Variants in GULP1 observed in about 807,000 individuals in gnomAD.
GULP1 encodes the protein GULP PTB domain containing engulfment adaptor 1.
GULP1 carries 19 observed loss-of-function variants against 40.9 expected under a neutral mutation model. The ratio of observed to expected loss-of-function variants is 0.46; its 90% CI spans 0.32 to 0.68. The LOEUF is 0.68. Ranked by LOEUF, GULP1 falls within the 30% of genes least tolerant of loss-of-function variation. The pLI is 0.03. For synonymous variants in GULP1, 119 were observed against 117.6 expected (o/e 1.01, Z -0.08); for missense variants, 312 against 362.2 (o/e 0.86, Z 1.12).
chr2:188,333,200 C>G (rs1196989155), intron 1 of GULP1, among the ~76,000 whole-genome samples: 1 of 151,234 alleles, frequency 6.6e-6, no homozygotes, highest in Admixed American at 6.6e-5. Flanking sequence ...GAGCCAAGAT[C>G]ATGCCACTGC....
At chr2:188,526,295 T>C (rs1021555557) in intron 5 of GULP1, among the ~76,000 whole-genome samples, 34 of 152,318 alleles carry the variant, frequency 2.2e-4, no homozygotes, top group African/African-American at 7.9e-4. Context: ...ATCACTTCCT[T>C]TGAATACTTT....
At chr2:188,523,016 TTAAAA>T (rs1369418363) in intron 5 of GULP1, 189 bp downstream of exon 5, 7 of 483,026 alleles carry the variant, frequency 1.4e-5, no homozygotes, top group Non-Finnish European at 3.8e-6. Flanking sequence ...AAAATTGTGT[TTAAAA>T]TATGGCATAC....
At chr2:188,532,808 C>T (rs563447478) in intron 6 of GULP1, among the ~76,000 whole-genome samples, 1 of 150,664 alleles carries the variant, frequency 6.6e-6, no homozygotes, top group Non-Finnish European at 1.5e-5. Context: ...GTAATCCCAG[C>T]CACTCAGGAG....
At chr2:188,326,515 A>G (rs577840772) in intron 1 of GULP1, among the ~76,000 whole-genome samples, 151 of 152,232 alleles carry the variant, frequency 9.9e-4, no homozygotes, top group Admixed American at 1.7e-3. Context: ...TAGCCCCCCA[A>G]CAAATGAAAA....
In GULP1 at chr2:188,418,780, A is replaced by G. The variant is rs374107647; in HGVS notation, c.-45+34891A>G. Among the ~76,000 whole-genome samples, 7 of 152,368 alleles carry G rather than the reference A, an allele frequency of 4.6e-5. No individual in the cohort carries two copies. In the East Asian group the frequency reaches 1.3e-3, roughly 29 times the overall value. ...TAGTAAACTTTTAAATGTGTAATAC[A>G]TTATTGTTGACTATAGCTACAATGT... is the stretch of plus-strand genomic sequence containing the variant. On this transcript the variant is annotated intron_variant, in intron 2 of 11. Coordinates refer to ENST00000409830, the MANE Select transcript of GULP1 (RefSeq NM_016315.4).
At chr2:188,472,786 C>A (rs1442201983) in intron 2 of GULP1, among the ~76,000 whole-genome samples, 2 of 152,190 alleles carry the variant, frequency 1.3e-5, no homozygotes, top group Non-Finnish European at 2.9e-5. Context: ...ATTGTTTTCT[C>A]ATGCCTGATT....
intron 4 of GULP1, among the ~76,000 whole-genome samples, chr2:188,494,045 T>A (rs1405103159): frequency 6.6e-6 from 1 of 152,024 alleles, no homozygotes; most frequent in Non-Finnish European, 1.5e-5. Flanking sequence ...TGCCAGCCAG[T>A]GAATGATGAA....
intron 2 of GULP1, among the ~76,000 whole-genome samples, chr2:188,406,752 G>T (rs1242702656): frequency 6.6e-6 from 1 of 151,976 alleles, no homozygotes; most frequent in Non-Finnish European, 1.5e-5. Flanking sequence ...AAATGTTCAA[G>T]TTATCAGAGT....
At chr2:188,344,549 G>A (rs1012396237) in intron 1 of GULP1, among the ~76,000 whole-genome samples, 1 of 152,222 alleles carries the variant, frequency 6.6e-6, no homozygotes, top group Admixed American at 6.5e-5. Flanking sequence ...ATAAGAAGGC[G>A]AGTATTTGCT....
chr2:188,338,287 T>C (rs921078077), intron 1 of GULP1, among the ~76,000 whole-genome samples: 3 of 151,532 alleles, frequency 2.0e-5, no homozygotes, highest in Non-Finnish European at 4.4e-5. Context: ...CAATTTTTTT[T>C]TTTTTTTTTG....
intron 2 of GULP1, among the ~76,000 whole-genome samples, chr2:188,392,100 G>C (rs776186745): frequency 1.2e-4 from 18 of 151,968 alleles, no homozygotes; most frequent in Non-Finnish European, 1.8e-4. Flanking sequence ...TCCTCACTTT[G>C]GTATCAGGGT....
intron 2 of GULP1, among the ~76,000 whole-genome samples, chr2:188,437,082 T>C (rs1264190635): frequency 6.6e-6 from 1 of 152,124 alleles, no homozygotes; most frequent in Admixed American, 6.5e-5. Flanking sequence ...GTTTTTAGTA[T>C]GTGAAAACTA....
intron 2 of GULP1, among the ~76,000 whole-genome samples, chr2:188,404,035 T>C (rs138717578): frequency 2.8e-4 from 42 of 152,226 alleles, no homozygotes; most frequent in African/African-American, 9.4e-4. Flanking sequence ...GACAGACTTA[T>C]AGCACTGAGA....
At chr2:188,495,549 A>G (rs1268282898) in intron 4 of GULP1, among the ~76,000 whole-genome samples, 2 of 152,096 alleles carry the variant, frequency 1.3e-5, no homozygotes, top group East Asian at 1.9e-4. Flanking sequence ...AAAAGGACCA[A>G]CAGTTTAGAA....
At chr2:188,550,918 G>A (rs1693300159) in intron 7 of GULP1, among the ~76,000 whole-genome samples, 1 of 151,360 alleles carries the variant, frequency 6.6e-6, no homozygotes, top group South Asian at 2.1e-4. Context: ...AGTATTTCCT[G>A]CCAATACCAA....
At chr2:188,513,080 G>C (rs956244748) in intron 4 of GULP1, among the ~76,000 whole-genome samples, 5 of 152,072 alleles carry the variant, frequency 3.3e-5, no homozygotes, top group Non-Finnish European at 5.9e-5. Context: ...TGAGTGGAGA[G>C]ATACATGGGG....
intron 2 of GULP1, among the ~76,000 whole-genome samples, chr2:188,420,286 T>C (rs1056932514): frequency 7.9e-5 from 12 of 152,064 alleles, no homozygotes; most frequent in Non-Finnish European, 1.8e-4. Context: ...TATGAATATT[T>C]TAACAATATT....
intron 4 of GULP1, among the ~76,000 whole-genome samples, chr2:188,514,454 A>T (rs1410746372): frequency 6.6e-6 from 1 of 152,152 alleles, no homozygotes; most frequent in African/African-American, 2.4e-5. Flanking sequence ...TTGTACAGAA[A>T]AAATAAATAA....
chr2:188,352,342 C>A (rs2044567212), intron 1 of GULP1, among the ~76,000 whole-genome samples: 1 of 152,066 alleles, frequency 6.6e-6, no homozygotes, highest in African/African-American at 2.4e-5. Context: ...GAACACTGGT[C>A]TTTTCTGGCC....
Sources: allele counts gnomAD v4.1 joint callset (sites outside exome capture counted in the v4.1 genomes callset), GRCh38; gene constraint gnomAD v4.1.1; transcripts MANE v1.5; gene names NCBI Gene and HGNC (gene_info 2026-07-23, HGNC 2026-07-21).